SAMD3: variants seen among roughly 807,000 people sequenced by gnomAD.
SAMD3 encodes sterile alpha motif domain containing 3.
Under a neutral mutation model 58.5 loss-of-function variants are expected in SAMD3, and 63 were observed. The ratio of observed to expected loss-of-function variants is 1.08; its 90% confidence interval spans 0.88 to 1.33. SAMD3 has a LOEUF of 1.33. SAMD3 is among the 40% of genes most tolerant of loss of function. The probability of loss-of-function intolerance (pLI) is 0.00; values close to 1 mark genes in which losing one functional copy is unlikely to be tolerated. For missense variants in SAMD3, 604 were observed against 608.4 expected (o/e 0.99, Z 0.08); for synonymous variants, 220 against 210.3 (o/e 1.05, Z -0.40).
At position 130,194,996 on chromosome 6, in the gene SAMD3, A is replaced by G. The variant is rs940785493; in HGVS notation, c.384-10373T>C. 1.4e-3 allele frequency among the ~76,000 whole-genome samples: 206 copies of G among 152,146 alleles called. 5 individuals carry two copies. The highest frequency in any genetic ancestry group is 4.0e-4 in the Non-Finnish European group (27 of 68,024). Reference sequence around the variant, plus strand: ...ATAACTGTTGTGGGTATTGGCGGCCAGGCTTCTAAACCTCTTAAAACCCCC... The same window carrying G: ...ATAACTGTTGTGGGTATTGGCGGCCGGGCTTCTAAACCTCTTAAAACCCCC... On this transcript the variant is annotated intron_variant, in intron 5 of 11. Coordinates refer to ENST00000439090, the MANE Select transcript of SAMD3 (RefSeq NM_001017373.4).
intron 1 of SAMD3, among the ~76,000 whole-genome samples, chr6:130,344,550 T>A (rs1348664218): frequency 6.6e-6 from 1 of 152,024 alleles, no homozygotes; most frequent in Non-Finnish European, 1.5e-5. Context: ...CCTGGCTAAT[T>A]TTTGTATTTT....
At chr6:130,231,645 T>C (rs1361086755) in intron 2 of SAMD3, among the ~76,000 whole-genome samples, 2 of 152,212 alleles carry the variant, frequency 1.3e-5, no homozygotes, top group African/African-American at 4.8e-5. Context: ...AGACATACCT[T>C]TTAAATGTTG....
chr6:130,273,240 C>T (rs1040285878), intron 2 of SAMD3, among the ~76,000 whole-genome samples: 2 of 151,856 alleles, frequency 1.3e-5, no homozygotes, highest in African/African-American at 2.4e-5. Context: ...GATGAAGAGA[C>T]CTTTTATCAT....
intron 7 of SAMD3, among the ~76,000 whole-genome samples, chr6:130,177,743 C>T (rs1313959871): frequency 6.6e-6 from 1 of 152,154 alleles, no homozygotes; most frequent in Non-Finnish European, 1.5e-5. Context: ...TCACTTCCTT[C>T]CTTCCTTCCT....
chr6:130,239,730 A>G (rs1340343908), intron 2 of SAMD3, among the ~76,000 whole-genome samples: 2 of 152,256 alleles, frequency 1.3e-5, no homozygotes, highest in African/African-American at 4.8e-5. Context: ...AAAAAACACA[A>G]ACCTTTATCA....
chr6:130,361,589 T>A (rs1223977977), intron 1 of SAMD3, among the ~76,000 whole-genome samples: 2 of 152,368 alleles, frequency 1.3e-5, no homozygotes, highest in East Asian at 3.9e-4. Context: ...AAAACAGATC[T>A]AATAAAATTG....
chr6:130,281,275 C>T (rs1478866607), intron 2 of SAMD3, among the ~76,000 whole-genome samples: 2 of 152,156 alleles, frequency 1.3e-5, no homozygotes, highest in Non-Finnish European at 2.9e-5. Flanking sequence ...GGAATCACCA[C>T]ACTTCAAACT....
rs370213784 is a variant in SAMD3 at position 130,180,953 on chromosome 6, C to CTTTTTT, written c.654+3144_654+3149dup. Reference sequence around the variant, plus strand: ...TTTTCTTTTTTCTTTTTCTTTCTTTCTTTTTTCTTTTGAGACGGAGTTCCG... The same window carrying CTTTTTT: ...TTTTCTTTTTTCTTTTTCTTTCTTTCTTTTTTTTTTTTCTTTTGAGACGGAGTTCCG... On this transcript the variant is annotated intron_variant, in intron 7 of 11. Transcript: ENST00000439090. Among the ~76,000 whole-genome samples, 261 of 116,774 alleles carry CTTTTTT rather than the reference C, an allele frequency of 2.2e-3. 3 individuals carry two copies. The highest frequency in any genetic ancestry group is 3.9e-3 in the East Asian group (15 of 3,850). 76.6% of individuals were successfully genotyped at this position (116,774 alleles called of 152,430 possible).
chr6:130,160,020 G>A (rs1242713030), intron 8 of SAMD3: 1 of 152,164 alleles, frequency 6.6e-6, no homozygotes, highest in Non-Finnish European at 1.5e-5. Flanking sequence ...GATGATTAAC[G>A]AGTGCTGCTC....
chr6:130,309,203 C>G (rs1776053419), intron 2 of SAMD3, among the ~76,000 whole-genome samples: 1 of 152,144 alleles, frequency 6.6e-6, no homozygotes, highest in Non-Finnish European at 1.5e-5. Context: ...ATAGTATAAA[C>G]AGTCAGAAAA....
intron 5 of SAMD3, among the ~76,000 whole-genome samples, chr6:130,186,864 G>A (rs568601536): frequency 9.1e-5 from 13 of 142,352 alleles, no homozygotes; most frequent in South Asian, 4.7e-4. Context: ...TCCGCCTCCC[G>A]GGTTCAAGCG....
chr6:130,229,565 A>T (rs933976784), intron 2 of SAMD3, among the ~76,000 whole-genome samples: 2 of 152,220 alleles, frequency 1.3e-5, no homozygotes, highest in Non-Finnish European at 2.9e-5. Flanking sequence ...TTTCTTAAAC[A>T]GTGAGGTAAG....
In SAMD3 at chr6:130,176,953, G is replaced by A. The variant is rs555428225; in HGVS notation, c.655-945C>T. Among the ~76,000 whole-genome samples the A allele has an allele frequency of 2.4e-3, 372 of 152,168 alleles. 1 individual carries two copies. The highest frequency in any genetic ancestry group is 8.5e-3 in the African/African-American group (352 of 41,508). ...AGCCAGCCCAATCATCAACGGCCAT[G>A]GTCACCCCATTAAGGAACCTCAATG... On this transcript the variant is annotated intron_variant, in intron 7 of 11. Coordinates refer to ENST00000439090, the MANE Select transcript of SAMD3 (RefSeq NM_001017373.4).
chr6:130,171,833 G>C (rs890540137), intron 8 of SAMD3, among the ~76,000 whole-genome samples: 3 of 152,192 alleles, frequency 2.0e-5, no homozygotes, highest in African/African-American at 7.2e-5. Context: ...CTATTATTGT[G>C]TGGGAGTCTA....
chr6:130,261,025 G>T (rs1774109337), intron 2 of SAMD3, among the ~76,000 whole-genome samples: 1 of 152,054 alleles, frequency 6.6e-6, no homozygotes, highest in African/African-American at 2.4e-5. Flanking sequence ...TTGGGAACTT[G>T]CCCACTCCAT....
chr6:130,154,781 T>C, intron 9 of SAMD3, 44 bp downstream of exon 9: 1 of 979,478 alleles, frequency 1.0e-6, no homozygotes, highest in Non-Finnish European at 1.6e-6. Flanking sequence ...TGTGTGTGTA[T>C]ATACATATAT....
intron 2 of SAMD3, among the ~76,000 whole-genome samples, chr6:130,247,848 A>T (rs979090110): frequency 1.3e-5 from 2 of 152,190 alleles, no homozygotes; most frequent in African/African-American, 4.8e-5. Context: ...TCTTTACTTA[A>T]GTTTTAACTG....
chr6:130,178,434 T>C (rs1333916433), intron 7 of SAMD3, among the ~76,000 whole-genome samples: 2 of 151,664 alleles, frequency 1.3e-5, no homozygotes, highest in East Asian at 1.9e-4. Context: ...CCTCGAGCCC[T>C]GGCCAAGAGA....
intron 1 of SAMD3, among the ~76,000 whole-genome samples, chr6:130,352,140 C>A (rs1777694612): frequency 6.6e-6 from 1 of 151,860 alleles, no homozygotes; most frequent in Non-Finnish European, 1.5e-5. Context: ...GTGCAGCACA[C>A]CAACATGGCA....
Sources: allele counts gnomAD v4.1 joint callset (sites outside exome capture counted in the v4.1 genomes callset), GRCh38; gene constraint gnomAD v4.1.1; transcripts MANE v1.5; gene names NCBI Gene and HGNC (gene_info 2026-07-23, HGNC 2026-07-21).